Variants in PIWIL4 observed in about 807,000 individuals in gnomAD.
PIWIL4 encodes piwi-like protein 4.
Under a neutral mutation model 100.9 loss-of-function variants are expected in PIWIL4, and 50 were observed. The observed-to-expected ratio is 0.50, with a 90% CI of 0.39 to 0.63. The LOEUF is 0.63. Among genes scored for constraint, PIWIL4 ranks in the 20% least tolerant of loss-of-function variants. The pLI is 0.00. For synonymous variants in PIWIL4, 342 were observed against 367.5 expected (o/e 0.93, Z 0.79); for missense variants, 887 against 1,043.3 (o/e 0.85, Z 2.06).
chr11:94,597,961 A>G lies in PIWIL4; in HGVS notation c.1380+46A>G, dbSNP rs182189473. On this transcript the variant is annotated intron_variant, in intron 11 of 19. Coordinates refer to ENST00000299001, the MANE Select transcript of PIWIL4 (RefSeq NM_152431.3). ...TTCATTTAAAAGTATTTACTTGAAT[A>G]TGTGTAAGTTTTGTGCATTGGCCAG... is the stretch of plus-strand genomic sequence containing the variant. The G allele has an allele frequency of 1.6e-4, 236 of 1,474,920 alleles. No individual in the cohort carries two copies. In the East Asian group the frequency reaches 4.8e-3, roughly 30 times the overall value. The allele number at this position is 1,474,920 out of a possible 1,614,324, so 91.4% of individuals were successfully genotyped here.
chr11:94,572,778 T>G (rs1332804101), intron 2 of PIWIL4, among the ~76,000 whole-genome samples: 1 of 152,234 alleles, frequency 6.6e-6, no homozygotes, highest in Non-Finnish European at 1.5e-5. Flanking sequence ...GTGCGTTCTT[T>G]TTTGGTTCCA....
At chr11:94,581,741 T>C (rs1438918722) in intron 4 of PIWIL4, among the ~76,000 whole-genome samples, 1 of 152,218 alleles carries the variant, frequency 6.6e-6, no homozygotes, top group African/African-American at 2.4e-5. Flanking sequence ...TTTGAATTCC[T>C]GAGTGCCTGT....
intron 4 of PIWIL4, among the ~76,000 whole-genome samples, chr11:94,581,551 A>G (rs1432474901): frequency 1.3e-5 from 2 of 152,232 alleles, no homozygotes; most frequent in Non-Finnish European, 2.9e-5. Flanking sequence ...AGACTCTTCC[A>G]TGGATCACTG....
chr11:94,583,044 A>ATG (rs58072951), intron 4 of PIWIL4, among the ~76,000 whole-genome samples: 59,345 of 133,588 alleles, frequency 0.44, 13,094 homozygotes, highest in Non-Finnish European at 0.55. Flanking sequence ...ATATATATAT[A>ATG]TGTGTGTGTG....
intron 9 of PIWIL4, among the ~76,000 whole-genome samples, chr11:94,594,983 C>G (rs972631249): frequency 6.6e-6 from 1 of 151,912 alleles, no homozygotes; most frequent in Admixed American, 6.6e-5. Context: ...AAAACACAGC[C>G]CAGATTTGAA....
intron 11 of PIWIL4, among the ~76,000 whole-genome samples, chr11:94,600,378 C>T (rs1012505739): frequency 1.6e-4 from 25 of 152,172 alleles, no homozygotes; most frequent in African/African-American, 4.8e-4. Flanking sequence ...TAAAGCTGGG[C>T]GTCCAGGGGA....
At chr11:94,595,502 C>A in intron 10 of PIWIL4, 76 bp downstream of exon 10, 2 of 1,118,186 alleles carry the variant, frequency 1.8e-6, no homozygotes, top group Non-Finnish European at 2.6e-6. Flanking sequence ...CTGATATATT[C>A]CTTGAAGGAA....
intron 15 of PIWIL4, among the ~76,000 whole-genome samples, chr11:94,610,549 G>A (rs1166095625): frequency 6.6e-6 from 1 of 152,066 alleles, no homozygotes; most frequent in Non-Finnish European, 1.5e-5. Flanking sequence ...ACAGGTGTAA[G>A]GTGATATCTC....
chr11:94,577,507 GT>G lies in PIWIL4; in HGVS notation c.513+22del, dbSNP rs747639928. 36 of 1,593,400 alleles carry G rather than the reference GT, an allele frequency of 2.3e-5. No individual in the cohort carries two copies. The highest frequency in any genetic ancestry group is 1.7e-4 in the Middle Eastern group (1 of 5,952). Reference sequence around the variant, plus strand: ...TAGAAGAAAAGGTATAGTATGATTAGTTTTTTTACTGTATATGTGGGTGTGT... The same window carrying G: ...TAGAAGAAAAGGTATAGTATGATTAGTTTTTTACTGTATATGTGGGTGTGT... On this transcript the variant is annotated intron_variant, in intron 4 of 19. Coordinates refer to ENST00000299001, the MANE Select transcript of PIWIL4 (RefSeq NM_152431.3).
intron 7 of PIWIL4, among the ~76,000 whole-genome samples, 157 bp downstream of exon 7, chr11:94,587,404 A>G (rs1214760970): frequency 6.6e-6 from 1 of 152,154 alleles, no homozygotes; most frequent in Non-Finnish European, 1.5e-5. Flanking sequence ...TGGAGTTCAC[A>G]TGTCCTTGTG....
At position 94,587,194 on chromosome 11, in the gene PIWIL4, C is replaced by T. The variant is rs1397003023; in HGVS notation, c.861C>T (p.Ser287=). ...CTCTCTGTCAAAGAACTGGCTTGTC[C>T]TGTTTCACCCAGACGTGTGAGAAGC... ...MTALCQRTGL[S]CFTQTCEKQL... is the part of the protein sequence containing the mutation. The change falls in exon 7 of 20, where the codon TCC becomes TCT. Residue 287 remains serine, a synonymous_variant. Transcript: ENST00000299001. The T allele has an allele frequency of 6.2e-6, 10 of 1,614,100 alleles. No homozygotes were observed. Among genetic ancestry groups the T allele is most frequent in the Non-Finnish European group, 8.5e-6 (10 of 1,180,040 alleles).
chr11:94,584,678 G>A (rs1461020401), intron 5 of PIWIL4, among the ~76,000 whole-genome samples: 1 of 152,182 alleles, frequency 6.6e-6, no homozygotes, highest in Non-Finnish European at 1.5e-5. Flanking sequence ...AAACCCCCAT[G>A]TAGGTCAAAT....
chr11:94,605,646 C>G (rs1948706566), intron 13 of PIWIL4, among the ~76,000 whole-genome samples: 1 of 152,178 alleles, frequency 6.6e-6, no homozygotes, highest in Non-Finnish European at 1.5e-5. Context: ...CTGAATCCAT[C>G]ATTATTATGA....
In PIWIL4 at chr11:94,589,153, T is replaced by C. The variant is rs749915272; in HGVS notation, c.947T>C (p.Ile316Thr). The change falls in exon 8 of 20, where the codon ATT (isoleucine) becomes ACT (threonine). Residue 316 changes from isoleucine (I) to threonine (T), a missense_variant. Physicochemically the swap from Ile to Thr is moderately conservative, Grantham distance 89. Around this residue, in one of 2 missense-constraint regions of PIWIL4, gnomAD observed 741 missense variants for 930.0 expected, o/e 0.80. Transcript: ENST00000299001. ...YNNRTYSIDDIDWSVKPTHTF... is the reference protein window; with the variant it reads ...YNNRTYSIDDTDWSVKPTHTF... ...AACAGAACCTACTCCATTGATGACA[T>C]TGACTGGTCAGTGAAGCCCACACAC... The C allele has an allele frequency of 6.2e-7, 1 of 1,612,640 alleles. No individual in the cohort carries two copies. Among genetic ancestry groups the C allele is most frequent in the South Asian group, 1.1e-5 (1 of 91,054 alleles).
intron 15 of PIWIL4, among the ~76,000 whole-genome samples, chr11:94,608,911 G>A (rs1948757281): frequency 6.6e-6 from 1 of 152,162 alleles, no homozygotes; most frequent in Non-Finnish European, 1.5e-5. Context: ...GTGAGCTATT[G>A]CTCATCTTCC....
At chr11:94,577,207 A>T in intron 3 of PIWIL4, 71 bp from the exon 4 acceptor site, 1 of 1,252,306 alleles carries the variant, frequency 8.0e-7, no homozygotes, top group Non-Finnish European at 1.1e-6. Flanking sequence ...ATACATTTTT[A>T]AATGGTGTGA....
rs1948445337 is a variant in PIWIL4 at position 94,589,168 on chromosome 11, A to G, written c.962A>G (p.Lys321Arg). ...YSIDDIDWSV[K>R]PTHTFQKRDG... ...ATTGATGACATTGACTGGTCAGTGA[A>G]GCCCACACACACCTTTCAGAAGCGG... The change falls in exon 8 of 20, where the codon AAG becomes AGG. Residue 321 changes from lysine to arginine, a missense_variant. Coordinates refer to ENST00000299001, the MANE Select transcript of PIWIL4 (RefSeq NM_152431.3). The G allele has an allele frequency of 1.2e-6, 2 of 1,613,304 alleles. No individual in the cohort carries two copies. Among genetic ancestry groups the G allele is most frequent in the South Asian group, 1.1e-5 (1 of 91,068 alleles).
At chr11:94,617,384 G>A (rs913370611) in intron 16 of PIWIL4, among the ~76,000 whole-genome samples, 10 of 151,640 alleles carry the variant, frequency 6.6e-5, no homozygotes, top group African/African-American at 1.7e-4. Context: ...AAAGGTTTTC[G>A]TTGGGTAGCA....
chr11:94,569,144 CA>C (rs1401083159), intron 2 of PIWIL4, among the ~76,000 whole-genome samples: 2 of 152,120 alleles, frequency 1.3e-5, no homozygotes, highest in Non-Finnish European at 2.9e-5. Flanking sequence ...GGTATCTACC[CA>C]AAGGAAAATA....
Sources: allele counts gnomAD v4.1 joint callset (sites outside exome capture counted in the v4.1 genomes callset), GRCh38; gene constraint gnomAD v4.1.1; regional missense constraint gnomAD v4.1.1; transcripts MANE v1.5; gene names NCBI Gene and HGNC (gene_info 2026-07-23, HGNC 2026-07-21).